Variants in SLC39A11 observed in about 807,000 individuals in gnomAD.
The protein encoded by SLC39A11 is zinc transporter ZIP11.
SLC39A11 carries 33 observed loss-of-function variants against 36.1 expected under a neutral mutation model. The ratio of observed to expected loss-of-function variants is 0.91; its 90% CI spans 0.69 to 1.22. SLC39A11 has a LOEUF of 1.22. Among genes scored for constraint, SLC39A11 ranks in the 50% most tolerant of loss-of-function variants. The pLI, the probability that SLC39A11 is intolerant of heterozygous loss-of-function variation, is 0.00. For missense variants in SLC39A11, 432 were observed against 430.3 expected, an observed-to-expected ratio of 1.00 and a Z score of -0.03; for synonymous variants, 166 against 170.3, an observed-to-expected ratio of 0.97 and a Z score of 0.20.
chr17:72,933,309 G>A (rs1386932950), intron 5 of SLC39A11, among the ~76,000 whole-genome samples: 1 of 152,220 alleles, frequency 6.6e-6, no homozygotes, highest in African/African-American at 2.4e-5. Flanking sequence ...TTAAAATACA[G>A]TATAATTTAA....
At chr17:72,856,960 C>A (rs1251210778) in intron 5 of SLC39A11, among the ~76,000 whole-genome samples, 1 of 152,202 alleles carries the variant, frequency 6.6e-6, no homozygotes, top group Non-Finnish European at 1.5e-5. Flanking sequence ...GGATTACAGG[C>A]GTAAGCCACC....
intron 7 of SLC39A11, among the ~76,000 whole-genome samples, chr17:72,670,098 A>G (rs1303032080): frequency 6.8e-6 from 1 of 145,998 alleles, no homozygotes; most frequent in East Asian, 1.9e-4. Flanking sequence ...ACACACATAT[A>G]TATACTTGTA....
chr17:72,925,853 A>G (rs2084019298), intron 5 of SLC39A11, among the ~76,000 whole-genome samples: 3 of 152,244 alleles, frequency 2.0e-5, no homozygotes, highest in Non-Finnish European at 2.9e-5. Flanking sequence ...AGGAGAAAAC[A>G]ATGTGACAGA....
Position 72,798,414 on chromosome 17 carries a change from C to CTTTTTTTTT in SLC39A11, c.601+51219_601+51220insAAAAAAAAA, listed in dbSNP as rs145211486. 1.7e-4 allele frequency among the ~76,000 whole-genome samples: 24 copies of CTTTTTTTTT among 140,646 alleles called. 2 individuals carry two copies. Among genetic ancestry groups the CTTTTTTTTT allele is most frequent in the Non-Finnish European group, 2.0e-4 (13 of 64,914 alleles). The allele number at this position is 140,646 out of a possible 152,430, so 92.3% of individuals were successfully genotyped here. On this transcript the variant is annotated intron_variant, in intron 6 of 9. Coordinates refer to ENST00000255559, the MANE Select transcript of SLC39A11 (RefSeq NM_139177.4). Reference sequence around the variant, plus strand: ...GAGCTCTGGTCTCTTCCACTTCTTTCTTTCTTTTTTTTTTTTTGAGATGGA... The same window carrying CTTTTTTTTT: ...GAGCTCTGGTCTCTTCCACTTCTTTCTTTTTTTTTTTTCTTTTTTTTTTTTTGAGATGGA...
chr17:72,964,135 G>A lies in SLC39A11; in HGVS notation c.307-16260C>T, dbSNP rs116373716. The stretch of plus-strand genomic sequence containing the variant: ...GCCATGGCTATTCCAAAGGGCACCT[G>A]AGCCAGTCTCAGAAAGAGACTTTAG... On this transcript the variant is annotated intron_variant, in intron 4 of 9. Transcript: ENST00000255559. Among the ~76,000 whole-genome samples the A allele has an allele frequency of 5.1e-3, 772 of 152,304 alleles. 8 individuals carry two copies. The highest frequency in any genetic ancestry group is 0.017 in the African/African-American group (722 of 41,552).
intron 3 of SLC39A11, among the ~76,000 whole-genome samples, chr17:73,081,648 C>T (rs1177120044): frequency 3.4e-5 from 5 of 147,512 alleles, no homozygotes; most frequent in African/African-American, 1.3e-4. Context: ...CACACACACA[C>T]ACACACACAC....
At chr17:72,780,669 A>G (rs948576551) in intron 6 of SLC39A11, among the ~76,000 whole-genome samples, 4 of 152,168 alleles carry the variant, frequency 2.6e-5, no homozygotes, top group African/African-American at 9.7e-5. Context: ...TTAGGTCAGC[A>G]TTCATTTTCT....
intron 3 of SLC39A11, among the ~76,000 whole-genome samples, chr17:73,084,547 T>C (rs1423766608): frequency 6.6e-6 from 1 of 151,808 alleles, no homozygotes; most frequent in African/African-American, 2.4e-5. Context: ...GCTAGGCCTG[T>C]GCTAGGCCCT....
At chr17:72,732,947 A>G (rs28379336) in intron 7 of SLC39A11, among the ~76,000 whole-genome samples, 6,601 of 152,238 alleles carry the variant, frequency 0.043, 193 homozygotes, top group African/African-American at 0.087. Context: ...CCTATACCCC[A>G]TCTCTCTGTC....
chr17:72,791,593 C>T (rs910367694), intron 6 of SLC39A11, among the ~76,000 whole-genome samples: 4 of 152,310 alleles, frequency 2.6e-5, no homozygotes, highest in Admixed American at 6.5e-5. Flanking sequence ...ATTCAATGCT[C>T]ATGGCAAACC....
At chr17:73,010,571 G>A (rs971706511) in intron 4 of SLC39A11, among the ~76,000 whole-genome samples, 1 of 152,178 alleles carries the variant, frequency 6.6e-6, no homozygotes, top group African/African-American at 2.4e-5. Flanking sequence ...AGGTCTAGAT[G>A]TTAATATTTT....
At chr17:72,669,930 ATATACGTATAGATG>A (rs1396050229) in intron 7 of SLC39A11, among the ~76,000 whole-genome samples, 14 of 150,140 alleles carry the variant, frequency 9.3e-5, no homozygotes, top group Non-Finnish European at 1.5e-4. Flanking sequence ...ATATACACAT[ATATACGTATAGATG>A]TATATACACA....
chr17:72,817,178 G>A (rs2077610117), intron 6 of SLC39A11, among the ~76,000 whole-genome samples: 1 of 152,104 alleles, frequency 6.6e-6, no homozygotes, highest in Non-Finnish European at 1.5e-5. Flanking sequence ...TGTACAAGAA[G>A]CATGGTGTCA....
intron 5 of SLC39A11, among the ~76,000 whole-genome samples, chr17:72,934,758 G>C (rs2084641708): frequency 6.6e-6 from 1 of 152,120 alleles, no homozygotes; most frequent in Non-Finnish European, 1.5e-5. Context: ...TGTACAGATG[G>C]CAAATGAGCA....
chr17:72,843,037 C>T (rs969905973), intron 6 of SLC39A11, among the ~76,000 whole-genome samples: 1 of 152,154 alleles, frequency 6.6e-6, no homozygotes, highest in Non-Finnish European at 1.5e-5. Flanking sequence ...GCAACCTCTG[C>T]CTCCTGGGTT....
intron 7 of SLC39A11, among the ~76,000 whole-genome samples, chr17:72,727,865 C>T (rs80321947): frequency 0.06 from 9,061 of 152,114 alleles, 350 homozygotes; most frequent in African/African-American, 0.1. Flanking sequence ...ATCTGTACAC[C>T]AGATGGCAGC....
chr17:72,670,386 G>A (rs2070973851), intron 7 of SLC39A11, among the ~76,000 whole-genome samples: 1 of 148,832 alleles, frequency 6.7e-6, no homozygotes, highest in African/African-American at 2.5e-5. Flanking sequence ...AAAAAAAAAT[G>A]CAAATATCCT....
chr17:72,777,196 A>C (rs1031215630), intron 6 of SLC39A11, among the ~76,000 whole-genome samples: 2 of 152,188 alleles, frequency 1.3e-5, no homozygotes, highest in Non-Finnish European at 2.9e-5. Flanking sequence ...GAGGGGACAA[A>C]GCTCTAAACC....
At chr17:72,867,754 GCGCGCGCACACA>G (rs1481821956) in intron 5 of SLC39A11, among the ~76,000 whole-genome samples, 25 of 89,788 alleles carry the variant, frequency 2.8e-4, no homozygotes, top group African/African-American at 1.5e-3. Context: ...TGAATGAAGT[GCGCGCGCACACA>G]CACACACACA....
Sources: gnomAD v4.1 joint callset for allele counts (sites outside exome capture counted in the v4.1 genomes callset) on GRCh38, gnomAD v4.1.1 for gene constraint, MANE v1.5 for transcripts, NCBI Gene and HGNC (gene_info 2026-07-23, HGNC 2026-07-21) for gene names.